The following PFKM variants were observed in gnomAD, a reference collection of about 807,000 sequenced individuals.
The protein encoded by PFKM is ATP-dependent 6-phosphofructokinase, muscle type.
A neutral mutation model predicts 95.5 loss-of-function variants in PFKM; 58 were observed. The ratio of observed to expected loss-of-function variants is 0.61; its 90% confidence interval spans 0.49 to 0.76. The LOEUF (loss-of-function observed/expected upper bound fraction) is 0.76, where lower values mean the gene tolerates loss of function less well. PFKM is among the 30% of genes least tolerant of loss of function. The pLI is 0.00. For synonymous variants in PFKM, 336 were observed against 357.2 expected (o/e 0.94, Z 0.67); for missense variants, 678 against 1,005.4 (o/e 0.67, Z 4.40).
intron 9 of PFKM, 109 bp downstream of exon 9, chr12:48,135,147 C>G: frequency 9.1e-7 from 1 of 1,102,534 alleles, no homozygotes; most frequent in Non-Finnish European, 1.4e-6. Context: ...ACATCTCTCC[C>G]TGGTTCCCTG....
chr12:48,127,501 T>A (rs1948980841), intron 2 of PFKM, among the ~76,000 whole-genome samples: 1 of 152,204 alleles, frequency 6.6e-6, no homozygotes, highest in Non-Finnish European at 1.5e-5. Flanking sequence ...TTTCTCCTTC[T>A]CTGACCCTTG....
In PFKM at chr12:48,135,338, G is replaced by A; in HGVS notation, c.891G>A (p.Gly297=). The A allele has an allele frequency of 6.2e-7, 1 of 1,614,194 alleles. No individual in the cohort carries two copies. The highest frequency in any genetic ancestry group is 8.5e-7 in the Non-Finnish European group (1 of 1,180,010). Residue 297 remains glycine (G), a synonymous_variant, in exon 10 of 23, where the codon GGG becomes GGA. Coordinates refer to ENST00000359794, the MANE Select transcript of PFKM (RefSeq NM_000289.6). ...LGYDTRVTVL[G]HVQRGGTPSA... Reference sequence around the variant, plus strand: ...ATGACACCCGGGTTACTGTCTTGGGGCATGTGCAGAGGGGTGGGACGCCAT... The same window carrying A: ...ATGACACCCGGGTTACTGTCTTGGGACATGTGCAGAGGGGTGGGACGCCAT...
upstream of PFKM, chr12:48,105,581 T>C (rs950943558): frequency 4.2e-6 from 2 of 480,732 alleles, no homozygotes; most frequent in Non-Finnish European, 8.3e-6. Flanking sequence ...AGTCAAGAAA[T>C]ATCACTCGGG....
rs386352348 is a variant in PFKM at position 48,145,254 on chromosome 12, A to G, written c.2137A>G (p.Met713Val). 1 of 1,614,072 alleles carries G rather than the reference A, an allele frequency of 6.2e-7. No individual in the cohort carries two copies. The highest frequency in any genetic ancestry group is 8.5e-7 in the Non-Finnish European group (1 of 1,179,998). Residue 713 changes from methionine to valine, a missense_variant, in exon 22 of 23, where the codon ATG (methionine) becomes GTG (valine). Physicochemically the swap from Met to Val is conservative, Grantham distance 21. Coordinates refer to ENST00000359794, the MANE Select transcript of PFKM (RefSeq NM_000289.6). The surrounding 1 kb of genome is among the most constrained non-coding windows in gnomAD (Gnocchi z 4.3). ...NTPDSGCVLG[M>V]RKRALVFQPV... is the part of the protein sequence containing the mutation. Reference sequence around the variant, plus strand: ...TCCAGATTCGGGCTGTGTTCTGGGGATGCGTAAGAGGGCTCTGGTCTTCCA... The same window carrying G: ...TCCAGATTCGGGCTGTGTTCTGGGGGTGCGTAAGAGGGCTCTGGTCTTCCA...
At position 48,105,974 on chromosome 12, in the gene PFKM, T is replaced by C. The variant is rs1219782089; in HGVS notation, c.-173T>C. On this transcript the variant is annotated 5_prime_UTR_variant, in exon 1 of 25. Transcript: ENST00000340802. ...GCTGACCGGGTCCGACACAGTCTCCTGGACCAGGCTCCCTCCATCCTCACC... is the reference window on the plus strand; with the variant it reads ...GCTGACCGGGTCCGACACAGTCTCCCGGACCAGGCTCCCTCCATCCTCACC... 7.1e-6 allele frequency: 5 copies of C among 699,534 alleles called. No individual in the cohort carries two copies. The Admixed American group carries it at 1.0e-4, about 14-fold the overall frequency. The allele number at this position is 699,534 out of a possible 1,614,324, so 43.3% of individuals were successfully genotyped here.
At chr12:48,140,340 C>T (rs377476663) in intron 13 of PFKM, among the ~76,000 whole-genome samples, 13 of 152,196 alleles carry the variant, frequency 8.5e-5, no homozygotes, top group African/African-American at 2.9e-4. Flanking sequence ...GCCCCTCTCT[C>T]AGAGGAGATT....
chr12:48,144,571 C>A (rs1468382927), intron 20 of PFKM, among the ~76,000 whole-genome samples: 3 of 152,196 alleles, frequency 2.0e-5, no homozygotes, highest in Non-Finnish European at 4.4e-5. Context: ...TTCCCACTTT[C>A]CCACCTGCTT....
intron 3 of PFKM, 51 bp from the exon 4 acceptor site, chr12:48,131,265 G>T (rs758461800): frequency 3.1e-6 from 4 of 1,282,098 alleles, no homozygotes. Flanking sequence ...CTTAATCTTG[G>T]GAATTTATAG....
At chr12:48,107,232 T>C (rs1452258883) in intron 1 of PFKM, 8 of 647,608 alleles carry the variant, frequency 1.2e-5, no homozygotes, top group South Asian at 5.3e-5. Flanking sequence ...TATTGCCTCA[T>C]GTGCTGATAC....
chr12:48,122,986 T>G (rs1592660594), intron 2 of PFKM, 127 bp downstream of exon 2: 2 of 840,076 alleles, frequency 2.4e-6, no homozygotes, highest in East Asian at 5.1e-5. Context: ...AAAATTTCTG[T>G]GAGGCCTAAG....
intron 2 of PFKM, 86 bp from the exon 3 acceptor site, chr12:48,130,277 C>A: frequency 1.2e-6 from 1 of 864,888 alleles, no homozygotes; most frequent in Non-Finnish European, 2.0e-6. Context: ...GATTCGTTAT[C>A]TTTAGCCAAA....
chr12:48,134,343 A>T, intron 7 of PFKM, 67 bp downstream of exon 7: 1 of 1,346,188 alleles, frequency 7.4e-7, no homozygotes. Flanking sequence ...TTCCCCAGAG[A>T]GTCCAGTGAG....
chr12:48,105,917 C>CT (rs1242088099), upstream of PFKM: 1 of 657,928 alleles, frequency 1.5e-6, no homozygotes, highest in Non-Finnish European at 2.8e-6. Flanking sequence ...CCCCACAGTG[C>CT]TCCCCGCTTC....
chr12:48,137,679 G>T, intron 10 of PFKM, 42 bp from the exon 11 acceptor site: 1 of 1,613,578 alleles, frequency 6.2e-7, no homozygotes, highest in Non-Finnish European at 8.5e-7. Flanking sequence ...CCAAGATGGG[G>T]CAGCCTGAGC....
chr12:48,138,075 C>T (rs1407011882), intron 11 of PFKM, among the ~76,000 whole-genome samples: 1 of 152,188 alleles, frequency 6.6e-6, no homozygotes, highest in African/African-American at 2.4e-5. Flanking sequence ...GGAGATTCTA[C>T]ATCCTCCTTA....
rs1442992519 is a variant in PFKM at position 48,133,423 on chromosome 12, A to G, written c.536A>G (p.Asp179Gly). 1.2e-6 allele frequency: 2 copies of G among 1,613,918 alleles called. No homozygotes were observed. The highest frequency in any genetic ancestry group is 2.2e-5 in the South Asian group (2 of 91,066). Residue 179 changes from aspartate (D) to glycine (G), a missense_variant, in exon 6 of 23, where the codon GAC becomes GGC. Transcript: ENST00000359794. ...GGCACCGATATGACCATTGGCACTG[A>G]CTCTGCCCTGCATCGGATCATGGAA... ...FCGTDMTIGTDSALHRIMEIV... is the reference protein window; with the variant it reads ...FCGTDMTIGTGSALHRIMEIV...
intron 13 of PFKM, 88 bp downstream of exon 13, chr12:48,140,000 A>G (rs913219102): frequency 1.2e-6 from 1 of 865,624 alleles, no homozygotes; most frequent in Non-Finnish European, 2.0e-6. Flanking sequence ...CATACAACAT[A>G]AGCCTTGCCA....
At chr12:48,119,240 G>A, upstream of PFKM, 2 of 982,452 alleles carry the variant, frequency 2.0e-6, no homozygotes, top group Non-Finnish European at 2.4e-6. Context: ...AGGAGGAGGC[G>A]GAGCCTTCTT....
chr12:48,141,888 C>T, intron 16 of PFKM, 26 bp from the exon 17 acceptor site: 1 of 1,614,112 alleles, frequency 6.2e-7, no homozygotes, highest in Non-Finnish European at 8.5e-7. Flanking sequence ...CTCCCCAATC[C>T]TGCCCTTGTG....
Sources: allele counts gnomAD v4.1 joint callset (sites outside exome capture counted in the v4.1 genomes callset), GRCh38; gene constraint gnomAD v4.1.1; non-coding constraint Gnocchi (gnomAD v3.1); transcripts MANE v1.5; gene names NCBI Gene and HGNC (gene_info 2026-07-23, HGNC 2026-07-21).